Variants in PSD3 observed in about 807,000 individuals in gnomAD.
PSD3 encodes the protein pleckstrin and Sec7 domain containing 3.
Under a neutral mutation model 105.5 loss-of-function variants are expected in PSD3, and 49 were observed. The observed-to-expected ratio is 0.46, with a 90% CI of 0.37 to 0.59. PSD3 has a LOEUF of 0.59. Ranked by LOEUF, PSD3 falls within the 20% of genes least tolerant of loss-of-function variation. The pLI, the probability that PSD3 is intolerant of heterozygous loss-of-function variation, is 0.00. For synonymous variants in PSD3, 557 were observed against 457.8 expected (o/e 1.22, Z -2.77); for missense variants, 1,561 against 1,263.8 (o/e 1.24, Z -3.57).
chr8:18,855,496 G>A (rs1381152982), intron 4 of PSD3, among the ~76,000 whole-genome samples: 1 of 152,126 alleles, frequency 6.6e-6, no homozygotes, highest in Non-Finnish European at 1.5e-5. Context: ...TCAAACTAGG[G>A]CTGAGTCAAT....
intron 9 of PSD3, among the ~76,000 whole-genome samples, chr8:18,742,761 A>G (rs1156579735): frequency 6.6e-6 from 1 of 152,212 alleles, no homozygotes; most frequent in Non-Finnish European, 1.5e-5. Flanking sequence ...TTACTGGCAA[A>G]ATGCTACAGT....
At chr8:18,752,624 AT>A (rs1563225860) in intron 9 of PSD3, among the ~76,000 whole-genome samples, 4 of 87,860 alleles carry the variant, frequency 4.6e-5, no homozygotes, top group Non-Finnish European at 7.6e-5. Flanking sequence ...TATAATATAT[AT>A]TATATATAAT....
intron 9 of PSD3, among the ~76,000 whole-genome samples, chr8:18,661,755 T>A (rs764526571): frequency 1.3e-5 from 2 of 152,198 alleles, no homozygotes; most frequent in Non-Finnish European, 2.9e-5. Context: ...AGAAATAGCC[T>A]GAAGGCTTGA....
chr8:18,572,381 T>TA, intron 14 of PSD3, 147 bp downstream of exon 14: 1 of 962,044 alleles, frequency 1.0e-6, no homozygotes. Context: ...GTGTACTGCA[T>TA]ATCTGCCTCA....
chr8:18,619,443 G>A (rs965585535), intron 11 of PSD3, among the ~76,000 whole-genome samples: 1 of 152,118 alleles, frequency 6.6e-6, no homozygotes, highest in Non-Finnish European at 1.5e-5. Flanking sequence ...TAAGGAGTTT[G>A]AGACCAGCCT....
chr8:18,905,060 G>C (rs972234914), intron 2 of PSD3, among the ~76,000 whole-genome samples: 2 of 152,088 alleles, frequency 1.3e-5, no homozygotes, highest in African/African-American at 4.8e-5. Flanking sequence ...TACTAGCTTT[G>C]CAAATTAAAA....
chr8:18,884,158 A>G lies in PSD3; in HGVS notation c.131-11425T>C, dbSNP rs1251004880. Among the ~76,000 whole-genome samples, 4 of 152,158 alleles carry G rather than the reference A, an allele frequency of 2.6e-5. No individual in the cohort carries two copies. The East Asian group carries it at 7.7e-4, about 29-fold the overall frequency. On this transcript the variant is annotated intron_variant, in intron 2 of 15. Transcript: ENST00000327040. The stretch of plus-strand genomic sequence containing the variant: ...CATAAATCTGTAAGATTGGAAGATA[A>G]ATGCTTAATTTACAAAACAAATATA...
chr8:18,983,866 T>A (rs1263819216), intron 1 of PSD3, among the ~76,000 whole-genome samples: 1 of 151,568 alleles, frequency 6.6e-6, no homozygotes, highest in South Asian at 2.1e-4. Flanking sequence ...CGGCTGGATA[T>A]GGTGGCATGT....
At chr8:18,763,654 A>T (rs1806730367) in intron 9 of PSD3, among the ~76,000 whole-genome samples, 1 of 152,182 alleles carries the variant, frequency 6.6e-6, no homozygotes. Context: ...GAAGAAAGGG[A>T]GGAAAGGGAA....
intron 4 of PSD3, among the ~76,000 whole-genome samples, chr8:18,835,204 T>C (rs1814006241): frequency 6.6e-6 from 1 of 152,282 alleles, no homozygotes; most frequent in South Asian, 2.1e-4. Flanking sequence ...GTCTAAGCAT[T>C]TATTTTAAGA....
At chr8:18,567,445 T>C (rs1185028914) in intron 14 of PSD3, among the ~76,000 whole-genome samples, 2 of 152,206 alleles carry the variant, frequency 1.3e-5, no homozygotes, top group Non-Finnish European at 2.9e-5. Flanking sequence ...TAGATGGAGA[T>C]GTCTGCCAAC....
chr8:18,758,448 G>A (rs921440707), intron 9 of PSD3, among the ~76,000 whole-genome samples: 11 of 147,856 alleles, frequency 7.4e-5, no homozygotes, highest in African/African-American at 2.5e-4. Context: ...AATCATTACA[G>A]CTTTTGCTGT....
At chr8:18,902,011 A>AAAGAAAAAAG (rs915424070) in intron 2 of PSD3, among the ~76,000 whole-genome samples, 1 of 152,118 alleles carries the variant, frequency 6.6e-6, no homozygotes, top group African/African-American at 2.4e-5. Flanking sequence ...CTCAGGCAAA[A>AAAGAAAAAAG]AAGAAAAAAG....
At chr8:19,056,247 G>C (rs1376458063) in intron 1 of PSD3, among the ~76,000 whole-genome samples, 1 of 152,168 alleles carries the variant, frequency 6.6e-6, no homozygotes, top group Non-Finnish European at 1.5e-5. Context: ...AACCTGTCAT[G>C]GCCTCCAGGC....
rs570917606 is a variant in PSD3 at position 18,529,650 on chromosome 8, A to G, written c.*6093T>C. 2.6e-5 allele frequency: 4 copies of G among 152,714 alleles called. No homozygotes were observed. The highest frequency in any genetic ancestry group is 2.9e-5 in the Non-Finnish European group (2 of 68,018). The allele number at this position is 152,714 out of a possible 1,614,324, so 9.5% of individuals were successfully genotyped here. On this transcript the variant is annotated 3_prime_UTR_variant, in exon 16 of 16. Coordinates refer to ENST00000327040, the MANE Select transcript of PSD3 (RefSeq NM_015310.4). ...AGTATCTTAACAGCATTAAAAATCA[A>G]TGTGCATATATATACTCTCTCTAGA...
Position 18,572,557 on chromosome 8 carries a change from G to C in PSD3, c.2755C>G (p.Leu919Val), listed in dbSNP as rs377209838. 7.4e-6 allele frequency: 12 copies of C among 1,614,032 alleles called. No homozygotes were observed. The highest frequency in any genetic ancestry group is 9.3e-6 in the Non-Finnish European group (11 of 1,179,894). Residue 919 changes from leucine to valine, a missense_variant, in exon 14 of 16, where the codon CTG (leucine) becomes GTG (valine). Coordinates refer to ENST00000327040, the MANE Select transcript of PSD3 (RefSeq NM_015310.4). Reference protein sequence around the residue: ...GSQKKFSRPLLPATTTKLSQE... With the variant: ...GSQKKFSRPLVPATTTKLSQE... ...GACAGTTTTGTTGTAGTGGCAGGCA[G>C]AAGTGGGCGGCTAAACTTCTTCTGA...
At chr8:18,565,431 G>C (rs77847422) in intron 14 of PSD3, among the ~76,000 whole-genome samples, 2,454 of 152,290 alleles carry the variant, frequency 0.016, 28 homozygotes, top group Non-Finnish European at 0.027. Context: ...ACACAGCAGA[G>C]TTGTTCAGAA....
chr8:18,980,020 A>G (rs1281571771), intron 1 of PSD3, among the ~76,000 whole-genome samples: 1 of 152,230 alleles, frequency 6.6e-6, no homozygotes, highest in Non-Finnish European at 1.5e-5. Context: ...ACACTGATCT[A>G]TGTTTTAGCA....
chr8:18,681,826 G>A (rs972742203), intron 9 of PSD3, among the ~76,000 whole-genome samples: 3 of 151,912 alleles, frequency 2.0e-5, no homozygotes, highest in Non-Finnish European at 4.4e-5. Context: ...GATATTGGGA[G>A]CTTGGCTATA....
Sources: gnomAD v4.1 joint callset for allele counts (sites outside exome capture counted in the v4.1 genomes callset) on GRCh38, gnomAD v4.1.1 for gene constraint, MANE v1.5 for transcripts, NCBI Gene and HGNC (gene_info 2026-07-23, HGNC 2026-07-21) for gene names.